Variants in BMPR1B observed in about 807,000 individuals in gnomAD.
BMPR1B encodes the protein bone morphogenetic protein receptor type 1B, also known as bone morphogenetic protein receptor type-1B.
Under a neutral mutation model 59.1 loss-of-function variants are expected in BMPR1B, and 12 were observed. That is an observed-to-expected ratio of 0.20 (90% confidence interval 0.13 to 0.33). The LOEUF (loss-of-function observed/expected upper bound fraction) is 0.33, where lower values mean the gene tolerates loss of function less well. BMPR1B is among the 10% of genes least tolerant of loss of function. The pLI is 1.00. For missense variants in BMPR1B, 550 were observed against 610.9 expected (o/e 0.90, Z 1.05); for synonymous variants, 237 against 207.3 (o/e 1.14, Z -1.23).
intron 3 of BMPR1B, among the ~76,000 whole-genome samples, chr4:95,054,802 A>C (rs1726795637): frequency 6.6e-6 from 1 of 152,140 alleles, no homozygotes; most frequent in South Asian, 2.1e-4. Flanking sequence ...CTAAAAACTA[A>C]AGGACTCTGG....
Position 95,106,545 on chromosome 4 carries a change from G to A in BMPR1B, c.143+1978G>A, listed in dbSNP as rs551103926. 3.9e-5 allele frequency among the ~76,000 whole-genome samples: 6 copies of A among 152,100 alleles called. No homozygotes were observed. In the East Asian group the frequency reaches 1.2e-3, roughly 29 times the overall value. ...TACCATCTAGGAGGACAACCAGAGA[G>A]GCTTTATAAGTTTCCAGATGTAGAT... On this transcript the variant is annotated intron_variant, in intron 4 of 12. Coordinates refer to ENST00000515059, the MANE Select transcript of BMPR1B (RefSeq NM_001203.3).
chr4:94,908,306 T>C lies in BMPR1B; in HGVS notation c.-113+32406T>C, dbSNP rs1261982923. ...TTAGTTAGTGTGTATGTGTCTGATA[T>C]TTTATACATCACATTTGAAATTGTT... On this transcript the variant is annotated intron_variant, in intron 2 of 12. Transcript: ENST00000515059. 5.9e-5 allele frequency among the ~76,000 whole-genome samples: 9 copies of C among 151,566 alleles called. 1 individual carries two copies. Among genetic ancestry groups the C allele is most frequent in the Non-Finnish European group, 1.0e-4 (7 of 67,922 alleles).
chr4:94,796,247 A>G (rs1322789013), intron 1 of BMPR1B, among the ~76,000 whole-genome samples: 1 of 152,190 alleles, frequency 6.6e-6, no homozygotes, highest in Non-Finnish European at 1.5e-5. Flanking sequence ...TTACAAGTGT[A>G]AGTCACCATG....
chr4:95,121,708 T>A (rs1279991490), intron 6 of BMPR1B, among the ~76,000 whole-genome samples: 1 of 147,982 alleles, frequency 6.8e-6, no homozygotes, highest in East Asian at 1.9e-4. Flanking sequence ...TCTTTTTTCT[T>A]ATTTTTTTTC....
intron 3 of BMPR1B, among the ~76,000 whole-genome samples, chr4:95,041,817 G>A (rs1356245917): frequency 6.6e-6 from 1 of 151,998 alleles, no homozygotes; most frequent in Admixed American, 6.6e-5. Flanking sequence ...TAATCAGAGT[G>A]AGCATCCCTA....
chr4:95,114,967 G>GGT, intron 5 of BMPR1B, 145 bp downstream of exon 5: 1 of 775,666 alleles, frequency 1.3e-6, no homozygotes, highest in Middle Eastern at 3.4e-4. Flanking sequence ...AGCAACAGAT[G>GGT]GTATGTATGA....
Position 95,095,048 on chromosome 4 carries a change from T to G in BMPR1B, c.-17-9360T>G, listed in dbSNP as rs374781658. Among the ~76,000 whole-genome samples, 7 of 151,878 alleles carry G rather than the reference T, an allele frequency of 4.6e-5. No individual in the cohort carries two copies. The East Asian group carries it at 7.7e-4, about 17-fold the overall frequency. ...TTATTTAGTGTATATATATATAATT[T>G]TTTTTTCCTAAATTTTTTGCTGCAA... On this transcript the variant is annotated intron_variant, in intron 3 of 12. Coordinates refer to ENST00000515059, the MANE Select transcript of BMPR1B (RefSeq NM_001203.3).
At chr4:94,811,603 C>T (rs1278595274) in intron 1 of BMPR1B, among the ~76,000 whole-genome samples, 1 of 151,768 alleles carries the variant, frequency 6.6e-6, no homozygotes, top group Non-Finnish European at 1.5e-5. Flanking sequence ...AATTGATGGC[C>T]CTTTAAAAAA....
At chr4:94,813,580 C>T (rs939456081) in intron 1 of BMPR1B, among the ~76,000 whole-genome samples, 2 of 152,140 alleles carry the variant, frequency 1.3e-5, no homozygotes, top group African/African-American at 2.4e-5. Context: ...TTGTCAGGCT[C>T]GATCTTGGCA....
chr4:95,116,419 G>GCACACACACACA (rs1168592798), intron 6 of BMPR1B, among the ~76,000 whole-genome samples: 209 of 51,100 alleles, frequency 4.1e-3, no homozygotes, highest in Middle Eastern at 0.013. Flanking sequence ...CTTTCAGCGC[G>GCACACACACACA]CGCACACACA....
chr4:94,763,679 G>A (rs759690415), intron 1 of BMPR1B, among the ~76,000 whole-genome samples: 14 of 152,146 alleles, frequency 9.2e-5, no homozygotes, highest in Non-Finnish European at 1.9e-4. Flanking sequence ...ACTTAAACAA[G>A]TACAGACACA....
Position 95,134,516 on chromosome 4 carries a change from C to G in BMPR1B, c.1076+3004C>G, listed in dbSNP as rs1020827496. On this transcript the variant is annotated intron_variant, in intron 10 of 12. Transcript: ENST00000515059. ...AAAAGTGTTCCTATTTCTCCACATC[C>G]TCTCCAGCACCTGTTGTTTCCTGAC... 2.6e-5 allele frequency among the ~76,000 whole-genome samples: 4 copies of G among 152,290 alleles called. No homozygotes were observed. The South Asian group carries it at 8.3e-4, about 32-fold the overall frequency.
chr4:94,957,333 GTTTT>G (rs56341742), intron 2 of BMPR1B, among the ~76,000 whole-genome samples: 4,735 of 65,620 alleles, frequency 0.072, 119 homozygotes, highest in Non-Finnish European at 0.098. Flanking sequence ...CCTGTTTCGT[GTTTT>G]TTTTTTTTTT....
chr4:94,909,661 C>T (rs1728200457), intron 2 of BMPR1B, among the ~76,000 whole-genome samples: 1 of 152,026 alleles, frequency 6.6e-6, no homozygotes, highest in Non-Finnish European at 1.5e-5. Flanking sequence ...CCTCCCTCTT[C>T]CTGATTTTAC....
chr4:94,911,087 A>G lies in BMPR1B; in HGVS notation c.-113+35187A>G, dbSNP rs187393060. Among the ~76,000 whole-genome samples the G allele has an allele frequency of 2.6e-5, 4 of 152,272 alleles. No homozygotes were observed. In the East Asian group the frequency reaches 7.7e-4, roughly 29 times the overall value. On this transcript the variant is annotated intron_variant, in intron 2 of 12. Coordinates refer to ENST00000515059, the MANE Select transcript of BMPR1B (RefSeq NM_001203.3). ...ACATACTAATGTATTCATAAAAACTATTCTAGTTTCTTCTCTTTGTACAGT... is the reference window on the plus strand; with the variant it reads ...ACATACTAATGTATTCATAAAAACTGTTCTAGTTTCTTCTCTTTGTACAGT...
intron 4 of BMPR1B, among the ~76,000 whole-genome samples, chr4:95,107,833 T>C (rs945185248): frequency 6.6e-6 from 1 of 152,052 alleles, no homozygotes; most frequent in Non-Finnish European, 1.5e-5. Context: ...ACATGTATTT[T>C]CCTAATGAAG....
intron 1 of BMPR1B, among the ~76,000 whole-genome samples, chr4:94,810,410 T>G (rs1051923941): frequency 2.6e-5 from 4 of 152,186 alleles, no homozygotes; most frequent in African/African-American, 4.8e-5. Flanking sequence ...TGTTTCTATT[T>G]CTTGGGGGAG....
intron 1 of BMPR1B, among the ~76,000 whole-genome samples, chr4:94,775,838 TC>T (rs35549340): frequency 0.086 from 13,077 of 152,248 alleles, 699 homozygotes; most frequent in African/African-American, 0.16. Flanking sequence ...ACGCCTGTAA[TC>T]CCAGCACGCT....
intron 6 of BMPR1B, among the ~76,000 whole-genome samples, chr4:95,120,004 C>T (rs936265608): frequency 3.3e-5 from 5 of 152,108 alleles, no homozygotes; most frequent in African/African-American, 4.8e-5. Context: ...ACCCAATAGG[C>T]AGTTTCTCAA....
Sources: allele counts gnomAD v4.1 joint callset (sites outside exome capture counted in the v4.1 genomes callset), GRCh38; gene constraint gnomAD v4.1.1; transcripts MANE v1.5; gene names NCBI Gene and HGNC (gene_info 2026-07-23, HGNC 2026-07-21).